SOS2: variants seen among roughly 807,000 people sequenced by gnomAD.
SOS2 encodes the protein son of sevenless homolog 2.
Under a neutral mutation model 148.2 loss-of-function variants are expected in SOS2, and 65 were observed. The observed-to-expected ratio is 0.44, with a 90% CI of 0.36 to 0.54. The LOEUF (loss-of-function observed/expected upper bound fraction) is 0.54, where lower values mean the gene tolerates loss of function less well. Among genes scored for constraint, SOS2 ranks in the 20% least tolerant of loss-of-function variants. The pLI is 0.00. For synonymous variants in SOS2, 539 were observed against 537.1 expected, an observed-to-expected ratio of 1.00 and a Z score of -0.05; for missense variants, 1,341 against 1,590.2, an observed-to-expected ratio of 0.84 and a Z score of 2.67.
At chr14:50,189,101 A>ACACACG (rs1211549227) in intron 4 of SOS2, among the ~76,000 whole-genome samples, 3 of 144,976 alleles carry the variant, frequency 2.1e-5, no homozygotes, top group East Asian at 2.1e-4. Context: ...ACACACACAC[A>ACACACG]CGCACACACA....
At chr14:50,133,238 TTTTC>T (rs1213115351) in intron 19 of SOS2, among the ~76,000 whole-genome samples, 2 of 89,596 alleles carry the variant, frequency 2.2e-5, no homozygotes, top group Middle Eastern at 4.6e-3. Context: ...TTTTTTTCTT[TTTTC>T]TTTTTTCTTT....
At chr14:50,161,641 G>T (rs200799815) in intron 8 of SOS2, 32 bp from the exon 9 acceptor site, 23 of 1,597,378 alleles carry the variant, frequency 1.4e-5, no homozygotes, top group African/African-American at 2.7e-5. Context: ...AATCAAAACT[G>T]CATTGTTTGA....
chr14:50,197,376 CTAA>C (rs1013276858), intron 4 of SOS2, among the ~76,000 whole-genome samples: 5 of 152,162 alleles, frequency 3.3e-5, no homozygotes, highest in Non-Finnish European at 7.3e-5. Context: ...ATCACCACCA[CTAA>C]TGAGACACAA....
At chr14:50,144,163 A>T (rs1884386580) in intron 16 of SOS2, among the ~76,000 whole-genome samples, 1 of 152,150 alleles carries the variant, frequency 6.6e-6, no homozygotes, top group Non-Finnish European at 1.5e-5. Context: ...ACAGAAAAAA[A>T]TCAGAAATAA....
In SOS2 at chr14:50,118,546, G is replaced by T; in HGVS notation, c.3797C>A (p.Pro1266His). ...PNSPSTPPSTPSPRVPRRCYV... is the reference protein window; with the variant it reads ...PNSPSTPPSTHSPRVPRRCYV... ...GCATCGACGCGGTACCCTTGGAGAGGGTGTGCTAGGAGGAGTGCTTGGCGA... is the reference window on the plus strand; with the variant it reads ...GCATCGACGCGGTACCCTTGGAGAGTGTGTGCTAGGAGGAGTGCTTGGCGA... The change falls in exon 23 of 23, where the codon CCC (proline) becomes CAC (histidine). Residue 1266 changes from proline to histidine, a missense_variant. By Grantham distance (77) the Pro-to-His change is moderately conservative. Around this residue, in one of 4 missense-constraint regions of SOS2, gnomAD observed 354 missense variants for 347.7 expected, o/e 1.02. Coordinates refer to ENST00000216373, the MANE Select transcript of SOS2 (RefSeq NM_006939.4). 1 of 1,614,102 alleles carries T rather than the reference G, an allele frequency of 6.2e-7. No individual in the cohort carries two copies. The highest frequency in any genetic ancestry group is 8.5e-7 in the Non-Finnish European group (1 of 1,179,998).
At chr14:50,179,955 G>A (rs533006930) in intron 7 of SOS2, among the ~76,000 whole-genome samples, 6 of 151,876 alleles carry the variant, frequency 4.0e-5, no homozygotes, top group Admixed American at 3.3e-4. Flanking sequence ...CCTCCTATAG[G>A]GAACATAATC....
chr14:50,179,111 T>C (rs1410049965), intron 7 of SOS2, among the ~76,000 whole-genome samples: 1 of 152,116 alleles, frequency 6.6e-6, no homozygotes, highest in Non-Finnish European at 1.5e-5. Context: ...AATAAAAATA[T>C]CCACTGGATT....
chr14:50,119,803 CTTTTT>C (rs59325250), intron 22 of SOS2, among the ~76,000 whole-genome samples: 9 of 68,498 alleles, frequency 1.3e-4, no homozygotes, highest in Non-Finnish European at 1.6e-4. Flanking sequence ...CCCAACCAGC[CTTTTT>C]TTTTTTTTTT....
chr14:50,220,349 T>C (rs1444593232), intron 1 of SOS2, among the ~76,000 whole-genome samples: 6 of 122,582 alleles, frequency 4.9e-5, no homozygotes, highest in Non-Finnish European at 7.9e-5. Context: ...GAGCTTGCAG[T>C]GAGCCAAGAT....
In SOS2 at chr14:50,153,055, C is replaced by A. The variant is rs1884711739; in HGVS notation, c.2161+15G>T. The A allele has an allele frequency of 2.3e-6, 3 of 1,291,722 alleles. No individual in the cohort carries two copies. The highest frequency in any genetic ancestry group is 2.0e-5 in the Admixed American group (1 of 51,254). The allele number at this position is 1,291,722 out of a possible 1,614,324, so 80.0% of individuals were successfully genotyped here. A position where few individuals can be genotyped will look rare whatever the true frequency, so the allele number is the denominator to read the frequency against. On this transcript the variant is annotated intron_variant, in intron 13 of 22. Coordinates refer to ENST00000216373, the MANE Select transcript of SOS2 (RefSeq NM_006939.4). The stretch of plus-strand genomic sequence containing the variant: ...TGTTCAATATAAGATTCAATCAAAC[C>A]TTTATATAATATACCTCTTACACTT...
At chr14:50,141,088 C>T (rs906419014) in intron 16 of SOS2, among the ~76,000 whole-genome samples, 4 of 151,176 alleles carry the variant, frequency 2.6e-5, no homozygotes, top group African/African-American at 9.7e-5. Context: ...CCTGTAGTCC[C>T]AGCTACTCGG....
At chr14:50,211,302 C>T (rs1566482061) in intron 1 of SOS2, among the ~76,000 whole-genome samples, 1 of 152,120 alleles carries the variant, frequency 6.6e-6, no homozygotes, top group African/African-American at 2.4e-5. Context: ...TTTCTTCTTA[C>T]TTTTCAACTG....
rs151065098 is a variant in SOS2, at chr14:50,144,736, C to T, written c.2667+434G>A. ...TACAGGCGTGAGCCACCACGCCTGGCCAAATTTAAGTTTTTGAAATAGTTC... is the reference window on the plus strand; with the variant it reads ...TACAGGCGTGAGCCACCACGCCTGGTCAAATTTAAGTTTTTGAAATAGTTC... On this transcript the variant is annotated intron_variant, in intron 16 of 22. Transcript: ENST00000216373. Among the ~76,000 whole-genome samples the T allele has an allele frequency of 1.1e-4, 17 of 152,186 alleles. No individual in the cohort carries two copies. In the East Asian group the frequency reaches 3.1e-3, roughly 28 times the overall value.
chr14:50,138,869 G>C, intron 17 of SOS2, 85 bp from the exon 18 acceptor site: 2 of 561,132 alleles, frequency 3.6e-6, no homozygotes, highest in South Asian at 5.8e-5. Flanking sequence ...AACTGATCTA[G>C]TAAAGTTGAA....
At chr14:50,227,231 T>TTTTC (rs1209469996) in intron 1 of SOS2, among the ~76,000 whole-genome samples, 2 of 135,106 alleles carry the variant, frequency 1.5e-5, no homozygotes, top group Admixed American at 7.8e-5. Context: ...CTGTGTTTCT[T>TTTTC]TTTCTTTCTT....
chr14:50,158,808 CCCTGCCATA>C (rs1209486467), intron 10 of SOS2, among the ~76,000 whole-genome samples, 162 bp from the exon 11 acceptor site: 4 of 152,022 alleles, frequency 2.6e-5, no homozygotes, highest in African/African-American at 9.7e-5. Flanking sequence ...ACCATGGTAT[CCCTGCCATA>C]CATAGAGAAA....
At chr14:50,147,436 C>A (rs1270315534) in intron 14 of SOS2, among the ~76,000 whole-genome samples, 2 of 150,168 alleles carry the variant, frequency 1.3e-5, no homozygotes, top group Non-Finnish European at 3.0e-5. Flanking sequence ...TGCTTGAGCC[C>A]AGGAGTTCAA....
chr14:50,189,101 A>G (rs1026559303), intron 4 of SOS2, among the ~76,000 whole-genome samples: 1 of 144,976 alleles, frequency 6.9e-6, no homozygotes, highest in African/African-American at 2.6e-5. Context: ...ACACACACAC[A>G]CGCACACACA....
intron 21 of SOS2, among the ~76,000 whole-genome samples, chr14:50,121,605 T>A (rs2139478109): frequency 6.9e-6 from 1 of 145,938 alleles, no homozygotes; most frequent in Middle Eastern, 3.6e-3. Context: ...GCAGATGGTG[T>A]GGGGAGGTTA....
Sources: allele counts gnomAD v4.1 joint callset (sites outside exome capture counted in the v4.1 genomes callset), GRCh38; gene constraint gnomAD v4.1.1; regional missense constraint gnomAD v4.1.1; transcripts MANE v1.5; gene names NCBI Gene and HGNC (gene_info 2026-07-23, HGNC 2026-07-21).